ZNF407: variants seen among roughly 807,000 people sequenced by gnomAD.
ZNF407 encodes the protein zinc finger protein 407.
In ZNF407, 17 loss-of-function variants were observed where a neutral mutation model predicts 131.2. That is an observed-to-expected ratio of 0.13 (90% confidence interval 0.09 to 0.19). The LOEUF is 0.19. ZNF407 is among the 10% of genes least tolerant of loss of function. ZNF407 has a pLI of 1.00. For synonymous variants in ZNF407, 1,156 were observed against 1,062.0 expected, an observed-to-expected ratio of 1.09 and a Z score of -1.72; for missense variants, 2,681 against 2,830.6, an observed-to-expected ratio of 0.95 and a Z score of 1.20.
At chr18:75,006,438 G>A (rs1415712010) in intron 8 of ZNF407, among the ~76,000 whole-genome samples, 2 of 152,072 alleles carry the variant, frequency 1.3e-5, no homozygotes, top group Non-Finnish European at 2.9e-5. Flanking sequence ...TAATGTCTTA[G>A]CTGCATCCTG....
chr18:74,942,509 C>T (rs1230376913), intron 8 of ZNF407, among the ~76,000 whole-genome samples: 7 of 152,184 alleles, frequency 4.6e-5, no homozygotes. Flanking sequence ...CAAGACTTTC[C>T]CTACTTTGAC....
intron 3 of ZNF407, among the ~76,000 whole-genome samples, chr18:74,660,171 A>G (rs1355208418): frequency 3.3e-5 from 5 of 152,140 alleles, no homozygotes; most frequent in African/African-American, 9.7e-5. Flanking sequence ...GATGATTTGC[A>G]TATGGTAGAG....
In ZNF407 at chr18:74,759,590, A is replaced by G. The variant is rs187674735; in HGVS notation, c.4803-21838A>G. 1.1e-4 allele frequency among the ~76,000 whole-genome samples: 17 copies of G among 151,916 alleles called. No homozygotes were observed. The East Asian group carries it at 3.1e-3, about 28-fold the overall frequency. Reference sequence around the variant, plus strand: ...TTGTTTCTCAGACTGGATCAGAAAGACCTTGCTGTATTTTCTGTGACTATT... The same window carrying G: ...TTGTTTCTCAGACTGGATCAGAAAGGCCTTGCTGTATTTTCTGTGACTATT... On this transcript the variant is annotated intron_variant, in intron 3 of 8. Coordinates refer to ENST00000299687, the MANE Select transcript of ZNF407 (RefSeq NM_017757.3).
chr18:74,988,049 A>C (rs574027070), intron 8 of ZNF407, among the ~76,000 whole-genome samples: 8 of 152,204 alleles, frequency 5.3e-5, no homozygotes, highest in African/African-American at 1.9e-4. Flanking sequence ...TCCAATACCT[A>C]CTCTAAAGAT....
chr18:74,835,629 G>GGTGTGTGTGT (rs60463192), intron 4 of ZNF407, among the ~76,000 whole-genome samples: 2 of 92,200 alleles, frequency 2.2e-5, no homozygotes, highest in East Asian at 3.4e-4. Context: ...GACAGAGGGG[G>GGTGTGTGTGT]GTGTGTGTGT....
chr18:74,706,786 G>T (rs1326006857), intron 3 of ZNF407, among the ~76,000 whole-genome samples: 1 of 152,172 alleles, frequency 6.6e-6, no homozygotes, highest in Non-Finnish European at 1.5e-5. Context: ...AGGCAGGTGA[G>T]AGCTCACCTT....
intron 3 of ZNF407, among the ~76,000 whole-genome samples, chr18:74,664,691 GCTGTCTCT>G (rs1985860089): frequency 6.6e-6 from 1 of 151,948 alleles, no homozygotes; most frequent in South Asian, 2.1e-4. Flanking sequence ...TGCTCCTCCA[GCTGTCTCT>G]CTGTCTCTCT....
chr18:74,603,200 G>A (rs970689192), intron 1 of ZNF407, among the ~76,000 whole-genome samples: 4 of 152,228 alleles, frequency 2.6e-5, no homozygotes, highest in African/African-American at 9.6e-5. Flanking sequence ...AGCACTCACT[G>A]TGCTGCACAG....
At chr18:74,998,446 A>G (rs1291784521) in intron 8 of ZNF407, among the ~76,000 whole-genome samples, 1 of 152,006 alleles carries the variant, frequency 6.6e-6, no homozygotes, top group African/African-American at 2.4e-5. Flanking sequence ...CCTCTAATCC[A>G]CTTTTCCATA....
chr18:74,993,069 T>C (rs1972737527), intron 8 of ZNF407, among the ~76,000 whole-genome samples: 1 of 152,222 alleles, frequency 6.6e-6, no homozygotes, highest in African/African-American at 2.4e-5. Flanking sequence ...GAAAACAGTT[T>C]AGCCATTTCC....
chr18:74,610,395 C>T (rs966845694), intron 1 of ZNF407, among the ~76,000 whole-genome samples: 10 of 152,142 alleles, frequency 6.6e-5, no homozygotes, highest in South Asian at 4.1e-4. Flanking sequence ...CTCTCCCTCT[C>T]GGTCTCTCTT....
intron 8 of ZNF407, among the ~76,000 whole-genome samples, chr18:75,057,545 T>G (rs1973574799): frequency 6.6e-6 from 1 of 152,132 alleles, no homozygotes; most frequent in Non-Finnish European, 1.5e-5. Context: ...GTTGTTGAAG[T>G]GGTGTTAGAT....
At chr18:74,724,432 T>G in intron 3 of ZNF407, among the ~76,000 whole-genome samples, 1 of 152,176 alleles carries the variant, frequency 6.6e-6, no homozygotes, top group Non-Finnish European at 1.5e-5. Context: ...AATGTATCCC[T>G]CCTAGCTGCT....
intron 4 of ZNF407, among the ~76,000 whole-genome samples, chr18:74,818,522 A>G (rs1970297590): frequency 6.6e-6 from 1 of 152,230 alleles, no homozygotes; most frequent in Non-Finnish European, 1.5e-5. Flanking sequence ...TGGCTACTTG[A>G]AGATTTTTAT....
At chr18:74,765,720 G>A (rs1488423801) in intron 3 of ZNF407, among the ~76,000 whole-genome samples, 3 of 152,050 alleles carry the variant, frequency 2.0e-5, no homozygotes, top group African/African-American at 4.8e-5. Flanking sequence ...TCTCTATTGG[G>A]GTCTCACCTC....
rs1211032490 is a variant in ZNF407, at chr18:75,063,021, C to A, written c.5429-129C>A. 3 of 839,412 alleles carry A rather than the reference C, an allele frequency of 3.6e-6. No individual in the cohort carries two copies. Among genetic ancestry groups the A allele is most frequent in the South Asian group, 3.7e-5 (2 of 54,464 alleles). 52.0% of individuals were successfully genotyped at this position (839,412 alleles called of 1,614,324 possible). On this transcript the variant is annotated intron_variant, in intron 8 of 8. Transcript: ENST00000299687. This position sits in a 1 kb window ranked among gnomAD's most constrained non-coding sequence, Gnocchi z 6.6. Reference sequence around the variant, plus strand: ...CTGCTGAAGCTTGCACTGTAGAGAGCTCTTCAGGGTTTGGAATAGGGGGTC... The same window carrying A: ...CTGCTGAAGCTTGCACTGTAGAGAGATCTTCAGGGTTTGGAATAGGGGGTC...
intron 4 of ZNF407, among the ~76,000 whole-genome samples, chr18:74,871,433 G>C (rs1303358549): frequency 6.6e-6 from 1 of 152,096 alleles, no homozygotes; most frequent in African/African-American, 2.4e-5. Flanking sequence ...GAGCTGTTTT[G>C]CTAGGAATTA....
At position 74,633,011 on chromosome 18, in the gene ZNF407, T is replaced by G; in HGVS notation, c.1992T>G (p.Ser664Arg). ...SDLVLQTLPL[S>R]TLESENAKES... ...TGGTTTTACAGACTTTACCTTTGAG[T>G]ACTTTAGAATCAGAAAACGCAAAAG... The change falls in exon 2 of 9, where the codon AGT becomes AGG. Residue 664 changes from serine to arginine, a missense_variant. Transcript: ENST00000299687. 1 of 1,613,414 alleles carries G rather than the reference T, an allele frequency of 6.2e-7. No individual in the cohort carries two copies. The highest frequency in any genetic ancestry group is 8.5e-7 in the Non-Finnish European group (1 of 1,179,836).
intron 4 of ZNF407, among the ~76,000 whole-genome samples, chr18:74,856,694 A>C (rs964479407): frequency 2.0e-5 from 3 of 152,226 alleles, no homozygotes; most frequent in African/African-American, 7.2e-5. Context: ...AAGAGGTTTC[A>C]GTCTGTAAAA....
Sources: gnomAD v4.1 joint callset for allele counts (sites outside exome capture counted in the v4.1 genomes callset) on GRCh38, gnomAD v4.1.1 for gene constraint, Gnocchi (gnomAD v3.1) non-coding constraint, MANE v1.5 for transcripts, NCBI Gene and HGNC (gene_info 2026-07-23, HGNC 2026-07-21) for gene names.